Variants in DZANK1 observed in about 807,000 individuals in gnomAD.
DZANK1 encodes double zinc ribbon and ankyrin repeat-containing protein 1.
DZANK1 carries 91 observed loss-of-function variants against 94.5 expected under a neutral mutation model. The ratio of observed to expected loss-of-function variants is 0.96; its 90% confidence interval spans 0.81 to 1.15. The LOEUF is 1.15. Ranked by LOEUF, DZANK1 falls within the 50% of genes most tolerant of loss-of-function variation. DZANK1 has a pLI of 0.00. For synonymous variants in DZANK1, 312 were observed against 325.3 expected (o/e 0.96, Z 0.44); for missense variants, 903 against 916.4 (o/e 0.99, Z 0.19).
At chr20:18,414,282 G>A (rs2057385828) in intron 12 of DZANK1, 66 bp downstream of exon 12, 3 of 1,574,250 alleles carry the variant, frequency 1.9e-6, no homozygotes, top group African/African-American at 2.7e-5. Flanking sequence ...TCACAGGGTG[G>A]AGCACACACA....
At chr20:18,449,196 T>A in intron 6 of DZANK1, 127 bp from the exon 7 acceptor site, 1 of 744,062 alleles carries the variant, frequency 1.3e-6, no homozygotes, top group Non-Finnish European at 2.2e-6. Context: ...TAAAGAGGAA[T>A]AATAGACACT....
At chr20:18,438,105 G>C (rs1185688789) in intron 8 of DZANK1, among the ~76,000 whole-genome samples, 1 of 150,604 alleles carries the variant, frequency 6.6e-6, no homozygotes, top group East Asian at 2.0e-4. Flanking sequence ...TCTAGTCCCA[G>C]CTACTCGGGA....
chr20:18,422,595 G>C lies in DZANK1; in HGVS notation c.954+4472C>G, dbSNP rs144534399. Among the ~76,000 whole-genome samples the C allele has an allele frequency of 2.4e-3, 362 of 152,238 alleles. 5 individuals carry two copies. Among genetic ancestry groups the C allele is most frequent in the Admixed American group, 0.02 (305 of 15,302 alleles). On this transcript the variant is annotated intron_variant, in intron 10 of 20. Coordinates refer to ENST00000262547, the Ensembl canonical transcript of DZANK1. ...ATATAAAATTACCTTCAGGCCATTTGTATAACGTGTATAAGAAACATAAAG... is the reference window on the plus strand; with the variant it reads ...ATATAAAATTACCTTCAGGCCATTTCTATAACGTGTATAAGAAACATAAAG...
At chr20:18,455,187 T>G in intron 4 of DZANK1, 60 bp downstream of exon 4, 1 of 1,321,154 alleles carries the variant, frequency 7.6e-7, no homozygotes, top group Non-Finnish European at 1.1e-6. Context: ...ATCTGCTCAC[T>G]GAGAAAGAAG....
At chr20:18,434,669 C>A (rs1343466557) in intron 8 of DZANK1, among the ~76,000 whole-genome samples, 1 of 151,738 alleles carries the variant, frequency 6.6e-6, no homozygotes, top group Admixed American at 6.6e-5. Context: ...AATGACTGAA[C>A]TGCAGAAAAG....
exon 21 of DZANK1, chr20:18,383,591 A>G (rs1395680944): frequency 1.3e-5 from 2 of 152,200 alleles, no homozygotes; most frequent in East Asian, 3.8e-4. Context: ...GAAAGAATAT[A>G]TATGTGCTAC....
intron 13 of DZANK1, among the ~76,000 whole-genome samples, chr20:18,399,029 G>C (rs909385354): frequency 6.6e-6 from 1 of 151,750 alleles, no homozygotes; most frequent in Non-Finnish European, 1.5e-5. Context: ...CTACTCAAGG[G>C]GCAGGAGAAT....
chr20:18,443,303 C>T lies in DZANK1; in HGVS notation c.747+44G>A, dbSNP rs1357501815. On this transcript the variant is annotated intron_variant, in intron 8 of 20. Coordinates refer to ENST00000262547, the Ensembl canonical transcript of DZANK1. The stretch of plus-strand genomic sequence containing the variant: ...CTGTGTTACTGCTGCAAATAAAGAT[C>T]AGATCAACCAATGAAAGATGTTTTT... The T allele has an allele frequency of 6.4e-6, 8 of 1,259,756 alleles. No individual in the cohort carries two copies. In the South Asian group the frequency reaches 1.0e-4, roughly 16 times the overall value. 78.0% of individuals were successfully genotyped at this position (1,259,756 alleles called of 1,614,324 possible). A position where few individuals can be genotyped will look rare whatever the true frequency, so the allele number is the denominator to read the frequency against.
At chr20:18,409,585 A>ACACACACC (rs1568917993) in intron 13 of DZANK1, among the ~76,000 whole-genome samples, 22 of 111,490 alleles carry the variant, frequency 2.0e-4, no homozygotes, top group Non-Finnish European at 1.9e-4. Context: ...CACACACACC[A>ACACACACC]CCACCACCAC....
chr20:18,433,816 G>A (rs1323416296), intron 8 of DZANK1, 51 bp from the exon 9 acceptor site: 1 of 1,482,894 alleles, frequency 6.7e-7, no homozygotes, highest in African/African-American at 1.4e-5. Flanking sequence ...CTGAAGGTAT[G>A]AATAGATCTT....
chr20:18,426,829 T>C (rs1360732174), intron 10 of DZANK1, among the ~76,000 whole-genome samples: 1 of 152,202 alleles, frequency 6.6e-6, no homozygotes, highest in Non-Finnish European at 1.5e-5. Context: ...TGCAAAGTTA[T>C]TAAACAAAAT....
At chr20:18,463,460 A>ATGT (rs2059541314) in intron 2 of DZANK1, among the ~76,000 whole-genome samples, 1 of 152,156 alleles carries the variant, frequency 6.6e-6, no homozygotes, top group South Asian at 2.1e-4. Context: ...CCAGGTAGGA[A>ATGT]ACCTGCACAT....
intron 20 of DZANK1, 104 bp from the exon 21 acceptor site, chr20:18,384,668 G>T: frequency 7.9e-7 from 1 of 1,269,410 alleles, no homozygotes; most frequent in Non-Finnish European, 1.1e-6. Flanking sequence ...GCCCCTCCTG[G>T]TCCCACCTCC....
chr20:18,400,029 G>C (rs537428275), intron 13 of DZANK1, among the ~76,000 whole-genome samples: 2 of 152,200 alleles, frequency 1.3e-5, no homozygotes, highest in South Asian at 4.1e-4. Context: ...CCATTTATTA[G>C]CTTAGTGATG....
At chr20:18,417,947 G>A (rs142530663) in intron 10 of DZANK1, among the ~76,000 whole-genome samples, 45 of 152,182 alleles carry the variant, frequency 3.0e-4, no homozygotes, top group Non-Finnish European at 5.1e-4. Flanking sequence ...TTAGCCGGGC[G>A]TGGTGGCACA....
intron 3 of DZANK1, among the ~76,000 whole-genome samples, chr20:18,456,668 A>G (rs1253609084): frequency 6.6e-6 from 1 of 151,644 alleles, no homozygotes; most frequent in Non-Finnish European, 1.5e-5. Context: ...AATTATACAT[A>G]TGTGGTCATC....
Position 18,406,329 on chromosome 20 carries a change from C to T in DZANK1, c.1432+6317G>A, listed in dbSNP as rs8115429. On this transcript the variant is annotated intron_variant, in intron 13 of 20. Transcript: ENST00000262547. ...GGAGAGGAGAGCAAGGAGTAAAGAG[C>T]ACTTTGTCTTGTATCTTGGATACCA... Among the ~76,000 whole-genome samples, 1,040 of 152,166 alleles carry T rather than the reference C, an allele frequency of 6.8e-3. 11 individuals carry two copies. The highest frequency in any genetic ancestry group is 0.024 in the African/African-American group (980 of 41,536).
At chr20:18,424,461 A>T (rs997721507) in intron 10 of DZANK1, among the ~76,000 whole-genome samples, 2 of 151,070 alleles carry the variant, frequency 1.3e-5, no homozygotes, top group African/African-American at 4.9e-5. Flanking sequence ...TCTCAATAAC[A>T]ACAACAACAA....
chr20:18,410,821 T>G (rs767539367), intron 13 of DZANK1, among the ~76,000 whole-genome samples: 5 of 152,246 alleles, frequency 3.3e-5, no homozygotes, highest in Middle Eastern at 3.4e-3. Flanking sequence ...TGTGGTGGCT[T>G]GTGCCTGTGC....
Sources: gnomAD v4.1 joint callset for allele counts (sites outside exome capture counted in the v4.1 genomes callset) on GRCh38, gnomAD v4.1.1 for gene constraint, MANE v1.5 for transcripts, NCBI Gene and HGNC (gene_info 2026-07-23, HGNC 2026-07-21) for gene names.